Variants in TNRC6B observed in about 807,000 individuals in gnomAD.
The protein encoded by TNRC6B is trinucleotide repeat-containing gene 6B protein.
Under a neutral mutation model 203.6 loss-of-function variants are expected in TNRC6B, and 52 were observed. That is an observed-to-expected ratio of 0.26 (90% CI 0.20 to 0.32). The LOEUF is 0.32. Ranked by LOEUF, TNRC6B falls within the 10% of genes least tolerant of loss-of-function variation. The pLI is 1.00. For synonymous variants in TNRC6B, 838 were observed against 845.7 expected (o/e 0.99, Z 0.16); for missense variants, 1,923 against 2,286.2 (o/e 0.84, Z 3.24).
chr22:40,326,135 A>G lies in TNRC6B; in HGVS notation c.*2894A>G, dbSNP rs2071399122. 1 of 152,386 alleles carries G rather than the reference A, an allele frequency of 6.6e-6. No individual in the cohort carries two copies. Among genetic ancestry groups the G allele is most frequent in the Non-Finnish European group, 1.5e-5 (1 of 67,974 alleles). 9.4% of individuals were successfully genotyped at this position (152,386 alleles called of 1,614,324 possible). ...AGTGTTTTTTGTTTCTGTTTTTAACATTTGTTTTCCTGCTTTAAAATTTGC... is the reference window on the plus strand; with the variant it reads ...AGTGTTTTTTGTTTCTGTTTTTAACGTTTGTTTTCCTGCTTTAAAATTTGC... On this transcript the variant is annotated 3_prime_UTR_variant, in exon 23 of 23. Transcript: ENST00000454349.
Position 40,178,069 on chromosome 22 carries a change from A to G in TNRC6B, c.-67A>G. 1.3e-6 allele frequency: 2 copies of G among 1,594,822 alleles called. No homozygotes were observed. The highest frequency in any genetic ancestry group is 1.4e-5 in the African/African-American group (1 of 73,590). The stretch of plus-strand genomic sequence containing the variant: ...TAGACAAAAAGAATTCATTTTTTGG[A>G]CCTTTTTTCATTTCCATTTCTACCT... On this transcript the variant is annotated 5_prime_UTR_variant, in exon 1 of 23. Coordinates refer to ENST00000454349, the MANE Select transcript of TNRC6B (RefSeq NM_001162501.2).
intron 4 of TNRC6B, among the ~76,000 whole-genome samples, chr22:40,161,758 A>C (rs1202642512): frequency 1.3e-5 from 2 of 152,218 alleles, no homozygotes; most frequent in East Asian, 3.8e-4. Flanking sequence ...GGGTTTATTT[A>C]CTATTAGTCT....
intron 11 of TNRC6B, among the ~76,000 whole-genome samples, chr22:40,285,020 TTGAA>T (rs2070763873): frequency 6.6e-6 from 1 of 152,270 alleles, no homozygotes; most frequent in East Asian, 1.9e-4. Context: ...TGATATGTGT[TTGAA>T]TGAGAAGTTA....
chr22:40,310,573 A>T (rs2071162870), intron 16 of TNRC6B, among the ~76,000 whole-genome samples: 1 of 152,228 alleles, frequency 6.6e-6, no homozygotes, highest in South Asian at 2.1e-4. Context: ...GGAACATTCA[A>T]GCATGAGAAC....
intron 1 of TNRC6B, among the ~76,000 whole-genome samples, chr22:40,206,139 T>A (rs1211267814): frequency 6.6e-6 from 1 of 152,306 alleles, no homozygotes; most frequent in South Asian, 2.1e-4. Flanking sequence ...TATATTTTTT[T>A]AATTTTTTAT....
intron 1 of TNRC6B, among the ~76,000 whole-genome samples, chr22:40,181,114 C>T (rs1347782912): frequency 6.6e-6 from 1 of 152,192 alleles, no homozygotes; most frequent in African/African-American, 2.4e-5. Flanking sequence ...GCAAACTCAG[C>T]TCTGTTCTTC....
chr22:40,143,627 G>A (rs941909919), intron 3 of TNRC6B, among the ~76,000 whole-genome samples: 3 of 151,988 alleles, frequency 2.0e-5, no homozygotes, highest in Middle Eastern at 3.2e-3. Context: ...CCTCTGAGTA[G>A]CTGGGACTAC....
At chr22:40,180,133 A>G (rs1342754533) in intron 1 of TNRC6B, among the ~76,000 whole-genome samples, 1 of 152,244 alleles carries the variant, frequency 6.6e-6, no homozygotes, top group African/African-American at 2.4e-5. Context: ...AGATAGAGAA[A>G]TTACCTTAGT....
At chr22:40,170,449 TTATATATATAGTTTATATATATATTA>T (rs2068966922) in intron 4 of TNRC6B, among the ~76,000 whole-genome samples, 4 of 13,974 alleles carry the variant, frequency 2.9e-4, no homozygotes, top group Non-Finnish European at 2.9e-4. Flanking sequence ...TATATATATA[TTATATATATAGTTTATATATATATTA>T]TATATATAGT....
chr22:40,248,219 G>T (rs1179084061), intron 2 of TNRC6B, among the ~76,000 whole-genome samples: 1 of 152,202 alleles, frequency 6.6e-6, no homozygotes, highest in Non-Finnish European at 1.5e-5. Context: ...TGCCCCTGTG[G>T]TTTCTGGGTT....
intron 1 of TNRC6B, among the ~76,000 whole-genome samples, chr22:40,212,176 C>T (rs945075787): frequency 5.3e-5 from 8 of 152,214 alleles, no homozygotes; most frequent in Non-Finnish European, 7.3e-5. Context: ...CCCACTGCTT[C>T]ACAACTTAAT....
chr22:40,156,602 A>G (rs894369746), intron 4 of TNRC6B, among the ~76,000 whole-genome samples: 3 of 152,188 alleles, frequency 2.0e-5, no homozygotes, highest in Non-Finnish European at 2.9e-5. Context: ...CTGAAATTCT[A>G]TTCCATTTGG....
intron 1 of TNRC6B, among the ~76,000 whole-genome samples, chr22:40,178,425 A>G (rs1316357486): frequency 6.6e-6 from 1 of 152,184 alleles, no homozygotes; most frequent in Non-Finnish European, 1.5e-5. Context: ...AGCTGCGAGT[A>G]ATTGGAAATT....
At chr22:40,201,697 T>A (rs542053540) in intron 1 of TNRC6B, among the ~76,000 whole-genome samples, 1 of 152,050 alleles carries the variant, frequency 6.6e-6, no homozygotes, top group South Asian at 2.1e-4. Context: ...GTAGCTGGGA[T>A]TAGAGTTGTG....
chr22:40,240,879 G>C (rs1386776200), intron 1 of TNRC6B, among the ~76,000 whole-genome samples: 1 of 152,178 alleles, frequency 6.6e-6, no homozygotes, highest in Non-Finnish European at 1.5e-5. Context: ...CTGGAGTGCA[G>C]TGGCATGATT....
rs1389585480 is a variant in TNRC6B, at chr22:40,315,442, C to T, written c.4838C>T (p.Pro1613Leu). 2 of 1,613,978 alleles carry T rather than the reference C, an allele frequency of 1.2e-6. No homozygotes were observed. The highest frequency in any genetic ancestry group is 1.1e-5 in the South Asian group (1 of 91,084). Reference protein sequence around the residue: ...PGLTNPKPSSPWSSTAPRSVR... With the variant: ...PGLTNPKPSSLWSSTAPRSVR... Reference sequence around the variant, plus strand: ...CTGACCAACCCCAAACCATCATCTCCCTGGAGCAGCACAGCACCCCGATCA... The same window carrying T: ...CTGACCAACCCCAAACCATCATCTCTCTGGAGCAGCACAGCACCCCGATCA... The change falls in exon 20 of 23, where the codon CCC (proline) becomes CTC (leucine). Residue 1613 changes from proline (P) to leucine (L), a missense_variant. By Grantham distance (98) the Pro-to-Leu change is moderately conservative. Coordinates refer to ENST00000454349, the MANE Select transcript of TNRC6B (RefSeq NM_001162501.2).
intron 12 of TNRC6B, among the ~76,000 whole-genome samples, chr22:40,300,202 T>C (rs1159715594): frequency 6.6e-6 from 1 of 152,196 alleles, no homozygotes; most frequent in Middle Eastern, 3.2e-3. Flanking sequence ...TTTTCCTGAA[T>C]ATAAAATTTA....
chr22:40,064,720 A>G (rs956430807), intron 1 of TNRC6B, among the ~76,000 whole-genome samples: 4 of 150,946 alleles, frequency 2.6e-5, no homozygotes, highest in African/African-American at 9.7e-5. Context: ...GGGTTCAAGC[A>G]ATTCTCCTGC....
chr22:40,139,991 G>C (rs184194986), intron 3 of TNRC6B, among the ~76,000 whole-genome samples: 30 of 152,072 alleles, frequency 2.0e-4, no homozygotes, highest in Non-Finnish European at 4.3e-4. Context: ...TCTGTGATCC[G>C]CCTCAAATTA....
Sources: gnomAD v4.1 joint callset for allele counts (sites outside exome capture counted in the v4.1 genomes callset) on GRCh38, gnomAD v4.1.1 for gene constraint, MANE v1.5 for transcripts, NCBI Gene and HGNC (gene_info 2026-07-23, HGNC 2026-07-21) for gene names.